Variants in SYN3 observed in about 807,000 individuals in gnomAD.
SYN3 encodes synapsin III.
In SYN3, 35 loss-of-function variants were observed where a neutral mutation model predicts 65.8. The observed-to-expected ratio is 0.53, with a 90% CI of 0.41 to 0.70. The LOEUF is 0.70. SYN3 is among the 30% of genes least tolerant of loss of function. SYN3 has a pLI of 0.00. For missense variants in SYN3, 680 were observed against 749.0 expected (o/e 0.91, Z 1.08); for synonymous variants, 270 against 292.9 (o/e 0.92, Z 0.80).
At position 32,644,077 on chromosome 22, in the gene SYN3, A is replaced by AG. The variant is rs1388479741; in HGVS notation, c.712-47342_712-47341insC. 6.9e-4 allele frequency among the ~76,000 whole-genome samples: 35 copies of AG among 50,600 alleles called. 2 individuals are homozygous for AG. The East Asian group carries it at 0.054, about 78-fold the overall frequency. 33.2% of individuals were successfully genotyped at this position (50,600 alleles called of 152,430 possible). On this transcript the variant is annotated intron_variant, in intron 6 of 13. Transcript: ENST00000358763. ...TGGGCAAGCGAGACTCTGCCTCAAA[A>AG]AAAAAAAAAAAAAAAAAAAAAAAAA... is the stretch of plus-strand genomic sequence containing the variant.
intron 4 of SYN3, among the ~76,000 whole-genome samples, chr22:32,905,671 C>CAT (rs567555866): frequency 2.2e-3 from 330 of 152,348 alleles, no homozygotes; most frequent in African/African-American, 7.6e-3. Flanking sequence ...AAGGCTCCCA[C>CAT]ATAGCTGATA....
At chr22:32,691,555 C>T (rs1044796446) in intron 6 of SYN3, among the ~76,000 whole-genome samples, 1 of 152,082 alleles carries the variant, frequency 6.6e-6, no homozygotes, top group Admixed American at 6.6e-5. Flanking sequence ...ATCCACCCGC[C>T]CATAATCTCA....
chr22:32,958,859 G>A (rs887509093), intron 3 of SYN3, among the ~76,000 whole-genome samples: 9 of 151,970 alleles, frequency 5.9e-5, no homozygotes, highest in Admixed American at 2.6e-4. Context: ...GGCAAAGTCC[G>A]AGACAATGGG....
intron 6 of SYN3, among the ~76,000 whole-genome samples, chr22:32,699,724 T>G (rs1032253994): frequency 4.6e-5 from 7 of 152,280 alleles, no homozygotes; most frequent in African/African-American, 1.7e-4. Flanking sequence ...CAAAGTAAGA[T>G]TCTGTTTTTC....
chr22:32,792,696 A>T (rs1233717092), intron 6 of SYN3, among the ~76,000 whole-genome samples: 1 of 152,210 alleles, frequency 6.6e-6, no homozygotes, highest in Non-Finnish European at 1.5e-5. Context: ...ACAGAGATGC[A>T]TCTCACTTGC....
chr22:33,004,029 G>A (rs1242749560), intron 2 of SYN3, among the ~76,000 whole-genome samples: 1 of 152,244 alleles, frequency 6.6e-6, no homozygotes, highest in Admixed American at 6.5e-5. Context: ...TCCACATGGT[G>A]CTGGCCCTGC....
intron 1 of SYN3, among the ~76,000 whole-genome samples, chr22:33,045,765 A>G (rs77849054): frequency 0.033 from 4,935 of 151,580 alleles, 200 homozygotes; most frequent in East Asian, 0.1. Flanking sequence ...TTTTTTAACC[A>G]CTTCTCACTT....
Position 32,548,224 on chromosome 22 carries a change from T to C in SYN3, c.775-6511A>G, listed in dbSNP as rs376288640. Among the ~76,000 whole-genome samples the C allele has an allele frequency of 3.3e-5, 5 of 152,208 alleles. No homozygotes were observed. The South Asian group carries it at 8.3e-4, about 25-fold the overall frequency. ...TATTCCTGCCTCAGGGCCTTTGCAC[T>C]TGCTGTTCCGAGCCTGCATGGGGTT... is the stretch of plus-strand genomic sequence containing the variant. On this transcript the variant is annotated intron_variant, in intron 7 of 13. Transcript: ENST00000358763.
intron 6 of SYN3, among the ~76,000 whole-genome samples, chr22:32,768,765 C>T (rs914023964): frequency 6.6e-6 from 1 of 152,186 alleles, no homozygotes; most frequent in African/African-American, 2.4e-5. Flanking sequence ...TCCTACTCTT[C>T]CAGGCAACTA....
At chr22:32,920,444 G>C (rs1364475621) in intron 4 of SYN3, among the ~76,000 whole-genome samples, 1 of 152,182 alleles carries the variant, frequency 6.6e-6, no homozygotes, top group Non-Finnish European at 1.5e-5. Context: ...TTTCTAAATA[G>C]AGAACCTGGA....
chr22:32,924,475 G>C lies in SYN3; in HGVS notation c.461+6915C>G, dbSNP rs908969199. On this transcript the variant is annotated intron_variant, in intron 4 of 13. Coordinates refer to ENST00000358763, the MANE Select transcript of SYN3 (RefSeq NM_003490.4). Reference sequence around the variant, plus strand: ...CTTCACAGCCCTGGCTACTCAAAATGTGATCTTCCAACAGCAGCATCAGCA... The same window carrying C: ...CTTCACAGCCCTGGCTACTCAAAATCTGATCTTCCAACAGCAGCATCAGCA... Among the ~76,000 whole-genome samples the C allele has an allele frequency of 3.9e-5, 6 of 152,280 alleles. 1 individual carries two copies. Among genetic ancestry groups the C allele is most frequent in the East Asian group, 1.9e-4 (1 of 5,182 alleles).
chr22:32,761,247 A>G (rs1392003608), intron 6 of SYN3, among the ~76,000 whole-genome samples: 1 of 152,148 alleles, frequency 6.6e-6, no homozygotes, highest in Admixed American at 6.5e-5. Context: ...CCATATTGCC[A>G]AGTTGAGGGG....
chr22:32,598,674 C>T (rs1379148637), intron 6 of SYN3, among the ~76,000 whole-genome samples: 7 of 151,856 alleles, frequency 4.6e-5, no homozygotes, highest in Non-Finnish European at 7.4e-5. Flanking sequence ...TTAGTAGAGA[C>T]GGGGTTTCGC....
intron 6 of SYN3, among the ~76,000 whole-genome samples, chr22:32,725,337 C>A (rs1188332992): frequency 2.6e-5 from 4 of 152,094 alleles, no homozygotes; most frequent in Admixed American, 1.3e-4. Context: ...CCAACTGAGG[C>A]CATAAAACAG....
rs184138276 is a variant in SYN3, at chr22:32,630,616, A to C, written c.712-33880T>G. Among the ~76,000 whole-genome samples the C allele has an allele frequency of 2.8e-3, 424 of 152,328 alleles. 4 individuals are homozygous for C. Among genetic ancestry groups the C allele is most frequent in the African/African-American group, 9.9e-3 (410 of 41,554 alleles). ...AAAAACTGATGTGCACGTTACAAAC[A>C]GTAAAATGAATACTTTTAAAGAGTA... On this transcript the variant is annotated intron_variant, in intron 6 of 13. Transcript: ENST00000358763.
chr22:33,051,513 C>T (rs1266085159), intron 1 of SYN3, among the ~76,000 whole-genome samples: 3 of 151,844 alleles, frequency 2.0e-5, no homozygotes, highest in African/African-American at 7.3e-5. Context: ...CCTTTCTGGA[C>T]AAGGTGAGAA....
At chr22:32,671,284 C>T (rs934990248) in intron 6 of SYN3, among the ~76,000 whole-genome samples, 27 of 151,632 alleles carry the variant, frequency 1.8e-4, no homozygotes, top group Non-Finnish European at 1.5e-4. Context: ...ACACTCCCAC[C>T]CATGCTCACA....
At chr22:32,820,708 C>T (rs1433105101) in intron 6 of SYN3, among the ~76,000 whole-genome samples, 1 of 152,034 alleles carries the variant, frequency 6.6e-6, no homozygotes, top group East Asian at 1.9e-4. Flanking sequence ...GCACCTGGGA[C>T]CAAGGGGAGG....
chr22:32,558,410 A>C (rs1296538337), intron 7 of SYN3, among the ~76,000 whole-genome samples: 1 of 152,232 alleles, frequency 6.6e-6, no homozygotes, highest in African/African-American at 2.4e-5. Context: ...CAGAGATGCG[A>C]AGAACTTGCC....
Sources: allele counts gnomAD v4.1 joint callset (sites outside exome capture counted in the v4.1 genomes callset), GRCh38; gene constraint gnomAD v4.1.1; transcripts MANE v1.5; gene names NCBI Gene and HGNC (gene_info 2026-07-23, HGNC 2026-07-21).